Variants in IQCM observed in about 807,000 individuals in gnomAD.
IQCM encodes the protein IQ domain-containing protein M.
Under a neutral mutation model 57.6 loss-of-function variants are expected in IQCM, and 45 were observed. The observed-to-expected ratio is 0.78, with a 90% CI of 0.62 to 1.00. The LOEUF is 1.00. Ranked by LOEUF, IQCM falls within the 50% of genes least tolerant of loss-of-function variation. IQCM has a pLI of 0.00. For missense variants in IQCM, 468 were observed against 511.6 expected (o/e 0.91, Z 0.82); for synonymous variants, 148 against 158.9 (o/e 0.93, Z 0.51).
At chr4:149,578,594 A>G (rs891066358) in intron 9 of IQCM, among the ~76,000 whole-genome samples, 7 of 151,802 alleles carry the variant, frequency 4.6e-5, no homozygotes, top group Admixed American at 3.9e-4. Context: ...AGCTGACTCT[A>G]CCTACTCCCA....
chr4:149,460,966 G>A (rs553118027), intron 12 of IQCM, among the ~76,000 whole-genome samples: 1 of 152,232 alleles, frequency 6.6e-6, no homozygotes, highest in South Asian at 2.1e-4. Context: ...CAGGAACGGT[G>A]GCTCATGCCT....
Position 149,728,261 on chromosome 4 carries a change from C to G in IQCM, c.385+4983G>C, listed in dbSNP as rs77625251. ...CACTCTTTGAGTAATTCCTATGCAT[C>G]TTTTATATCTTAGCTCAAATATCAT... On this transcript the variant is annotated intron_variant, in intron 5 of 13. Transcript: ENST00000636793. Among the ~76,000 whole-genome samples the G allele has an allele frequency of 4.8e-3, 732 of 152,264 alleles. 4 individuals carry two copies. The highest frequency in any genetic ancestry group is 7.9e-3 in the Admixed American group (121 of 15,300).
intron 12 of IQCM, among the ~76,000 whole-genome samples, chr4:149,521,723 T>C (rs1278099167): frequency 2.6e-5 from 4 of 152,246 alleles, no homozygotes; most frequent in Non-Finnish European, 5.9e-5. Flanking sequence ...AATTTAATAG[T>C]ATCTCAGTTC....
chr4:149,431,441 C>T (rs961643417), intron 13 of IQCM, among the ~76,000 whole-genome samples: 1 of 151,778 alleles, frequency 6.6e-6, no homozygotes, highest in African/African-American at 2.4e-5. Flanking sequence ...TTCTTATGGA[C>T]TTTTTGGCCA....
At chr4:149,358,576 T>C (rs908096529) in intron 13 of IQCM, among the ~76,000 whole-genome samples, 3 of 152,182 alleles carry the variant, frequency 2.0e-5, no homozygotes, top group Non-Finnish European at 4.4e-5. Context: ...TTCTTAATCC[T>C]CATTTTTGTC....
intron 7 of IQCM, among the ~76,000 whole-genome samples, chr4:149,657,034 T>C (rs1373469308): frequency 1.3e-5 from 2 of 152,158 alleles, no homozygotes; most frequent in African/African-American, 4.8e-5. Context: ...TCCTCTCTTC[T>C]AGCTATTTTG....
intron 7 of IQCM, among the ~76,000 whole-genome samples, chr4:149,633,007 A>G (rs1757406716): frequency 6.6e-6 from 1 of 150,592 alleles, no homozygotes; most frequent in African/African-American, 2.4e-5. Flanking sequence ...TAAAAATACA[A>G]AAAATTAGCC....
intron 13 of IQCM, among the ~76,000 whole-genome samples, chr4:149,403,266 A>G (rs967167185): frequency 2.0e-5 from 3 of 151,928 alleles, no homozygotes; most frequent in Non-Finnish European, 4.4e-5. Flanking sequence ...CTCTGGCACA[A>G]GTTCCTGCAT....
At chr4:149,502,405 A>C (rs924911958) in intron 12 of IQCM, among the ~76,000 whole-genome samples, 2 of 152,186 alleles carry the variant, frequency 1.3e-5, no homozygotes, top group African/African-American at 2.4e-5. Flanking sequence ...TTAAAGGCTC[A>C]TGATTTAAAC....
chr4:149,757,433 G>C (rs887104537), intron 2 of IQCM, among the ~76,000 whole-genome samples: 1 of 151,988 alleles, frequency 6.6e-6, no homozygotes, highest in Non-Finnish European at 1.5e-5. Flanking sequence ...TTCAGCTCAG[G>C]TTGGCTATAA....
chr4:149,438,650 T>C (rs904688417), intron 12 of IQCM, among the ~76,000 whole-genome samples: 1 of 152,056 alleles, frequency 6.6e-6, no homozygotes, highest in Non-Finnish European at 1.5e-5. Context: ...TACAAAGTTA[T>C]CAATATGAAA....
chr4:149,462,937 G>A (rs1738463002), intron 12 of IQCM, among the ~76,000 whole-genome samples: 1 of 152,168 alleles, frequency 6.6e-6, no homozygotes, highest in African/African-American at 2.4e-5. Context: ...GGATTTGTAG[G>A]AGGAAGGGAT....
chr4:149,484,561 A>G (rs1163149529), intron 12 of IQCM, among the ~76,000 whole-genome samples: 1 of 152,044 alleles, frequency 6.6e-6, no homozygotes, highest in Non-Finnish European at 1.5e-5. Flanking sequence ...GATTGCATAT[A>G]GAAACAAACA....
chr4:149,358,100 A>C (rs908987680), intron 13 of IQCM, among the ~76,000 whole-genome samples: 5 of 151,998 alleles, frequency 3.3e-5, no homozygotes, highest in Non-Finnish European at 5.9e-5. Flanking sequence ...TATCCCCTTT[A>C]TCATTTTTTA....
intron 2 of IQCM, among the ~76,000 whole-genome samples, chr4:149,795,207 T>C (rs778135310): frequency 6.6e-6 from 1 of 152,136 alleles, no homozygotes; most frequent in Non-Finnish European, 1.5e-5. Flanking sequence ...AAACAGGGCA[T>C]AGATTAAAAA....
intron 10 of IQCM, among the ~76,000 whole-genome samples, chr4:149,555,363 T>C (rs1749478294): frequency 6.9e-6 from 1 of 144,166 alleles, no homozygotes; most frequent in Admixed American, 6.8e-5. Flanking sequence ...CTTCTGTTGC[T>C]AGGATGCACA....
chr4:149,752,283 G>A (rs184768006), intron 2 of IQCM, among the ~76,000 whole-genome samples: 2 of 152,290 alleles, frequency 1.3e-5, no homozygotes, highest in East Asian at 3.9e-4. Context: ...AGGCACGGGT[G>A]GCTCACGCCT....
In IQCM at chr4:149,731,065, G is replaced by C. The variant is rs182885795; in HGVS notation, c.385+2179C>G. 1.6e-3 allele frequency among the ~76,000 whole-genome samples: 237 copies of C among 152,080 alleles called. 1 individual carries two copies. Among genetic ancestry groups the C allele is most frequent in the African/African-American group, 5.3e-3 (218 of 41,490 alleles). ...ACTTAACAGGTCTAAAACTGAATTC[G>C]TTATTTTCCCCCATCCCTTTCCCCA... is the stretch of plus-strand genomic sequence containing the variant. On this transcript the variant is annotated intron_variant, in intron 5 of 13. Transcript: ENST00000636793.
At chr4:149,537,892 A>G (rs1204151714) in intron 12 of IQCM, among the ~76,000 whole-genome samples, 1 of 151,850 alleles carries the variant, frequency 6.6e-6, no homozygotes, top group East Asian at 1.9e-4. Context: ...TAAAGGTGAT[A>G]AAGACATTTC....
Sources: gnomAD v4.1 joint callset for allele counts (sites outside exome capture counted in the v4.1 genomes callset) on GRCh38, gnomAD v4.1.1 for gene constraint, MANE v1.5 for transcripts, NCBI Gene and HGNC (gene_info 2026-07-23, HGNC 2026-07-21) for gene names.